CSMD3: variants seen among roughly 807,000 people sequenced by gnomAD.
CSMD3 encodes CUB and sushi domain-containing protein 3.
CSMD3 carries 177 observed loss-of-function variants against 435.2 expected under a neutral mutation model. The ratio of observed to expected loss-of-function variants is 0.41; its 90% confidence interval spans 0.36 to 0.46. The LOEUF (loss-of-function observed/expected upper bound fraction) is 0.46, where lower values mean the gene tolerates loss of function less well. Among genes scored for constraint, CSMD3 ranks in the 20% least tolerant of loss-of-function variants. The probability of loss-of-function intolerance (pLI) is 0.34; values close to 1 mark genes in which losing one functional copy is unlikely to be tolerated. For synonymous variants in CSMD3, 1,656 were observed against 1,520.5 expected, an observed-to-expected ratio of 1.09 and a Z score of -2.07; for missense variants, 4,265 against 4,504.6, an observed-to-expected ratio of 0.95 and a Z score of 1.52.
chr8:112,679,946 C>G (rs1417759952), intron 16 of CSMD3, among the ~76,000 whole-genome samples: 3 of 152,218 alleles, frequency 2.0e-5, no homozygotes. Context: ...CTGGACTTCT[C>G]TAGTCATTCA....
At chr8:112,473,906 C>T (rs191930796) in intron 31 of CSMD3, among the ~76,000 whole-genome samples, 4 of 151,842 alleles carry the variant, frequency 2.6e-5, no homozygotes, top group South Asian at 2.1e-4. Flanking sequence ...TTTTTTAGGG[C>T]GCCTTCTGAG....
intron 23 of CSMD3, among the ~76,000 whole-genome samples, chr8:112,576,835 C>CATATATATATATATATATATATATATAT (rs5894088): frequency 1.4e-5 from 1 of 71,572 alleles, no homozygotes; most frequent in African/African-American, 3.5e-5. Context: ...AGGCAGCATA[C>CATATATATATATATATATATATATATAT]ATATATATAT....
intron 38 of CSMD3, among the ~76,000 whole-genome samples, chr8:112,372,813 C>T (rs908462934): frequency 6.6e-6 from 1 of 151,314 alleles, no homozygotes; most frequent in Non-Finnish European, 1.5e-5. Context: ...AGTGCCATTG[C>T]ACTCCAGCCT....
intron 27 of CSMD3, among the ~76,000 whole-genome samples, chr8:112,525,933 T>G (rs1353406746): frequency 2.8e-5 from 4 of 145,242 alleles, no homozygotes; most frequent in Non-Finnish European, 6.0e-5. Flanking sequence ...TATAAATATA[T>G]ATATAAAGAC....
intron 4 of CSMD3, among the ~76,000 whole-genome samples, chr8:113,152,774 T>C (rs558266344): frequency 9.8e-4 from 149 of 151,536 alleles, no homozygotes; most frequent in Admixed American, 1.6e-3. Context: ...AGGCCAGGAG[T>C]TTGAAACTAG....
At chr8:112,696,680 C>G (rs937675686) in intron 13 of CSMD3, among the ~76,000 whole-genome samples, 4 of 152,092 alleles carry the variant, frequency 2.6e-5, no homozygotes, top group African/African-American at 4.8e-5. Context: ...GACTTCATGT[C>G]CAAAACACCA....
intron 4 of CSMD3, among the ~76,000 whole-genome samples, chr8:113,155,569 AG>A (rs1216764543): frequency 6.6e-6 from 1 of 152,106 alleles, no homozygotes; most frequent in East Asian, 1.9e-4. Flanking sequence ...CAAGTATTCA[AG>A]GTAAAGATCA....
intron 2 of CSMD3, among the ~76,000 whole-genome samples, chr8:113,294,105 T>C (rs2093703585): frequency 6.6e-6 from 1 of 152,084 alleles, no homozygotes. Flanking sequence ...TACCATGTAT[T>C]ACATTAAGAA....
At chr8:113,037,100 T>C (rs757617353) in intron 5 of CSMD3, among the ~76,000 whole-genome samples, 2 of 152,128 alleles carry the variant, frequency 1.3e-5, no homozygotes, top group African/African-American at 4.8e-5. Context: ...GTGAAACAGA[T>C]GTATATTGCA....
intron 11 of CSMD3, among the ~76,000 whole-genome samples, chr8:112,852,182 G>T (rs180938435): frequency 4.7e-4 from 71 of 152,104 alleles, no homozygotes; most frequent in African/African-American, 1.6e-3. Context: ...TGGACACATG[G>T]GTAGAAAACA....
chr8:112,662,502 C>A (rs1586916706), intron 17 of CSMD3, among the ~76,000 whole-genome samples: 1 of 151,996 alleles, frequency 6.6e-6, no homozygotes, highest in South Asian at 2.1e-4. Context: ...CCCTTCCTTA[C>A]ACCTTATACA....
At chr8:113,312,077 T>C (rs1048453822) in intron 2 of CSMD3, 18 of 152,104 alleles carry the variant, frequency 1.2e-4, no homozygotes, top group African/African-American at 4.3e-4. Flanking sequence ...TAGATTTTTA[T>C]TTATATATCA....
At chr8:112,864,145 C>T (rs868863130) in intron 10 of CSMD3, among the ~76,000 whole-genome samples, 4 of 152,130 alleles carry the variant, frequency 2.6e-5, no homozygotes, top group African/African-American at 9.7e-5. Context: ...TTATCTAACA[C>T]AATATGCTGT....
chr8:112,493,513 C>G (rs1310953666), intron 30 of CSMD3, among the ~76,000 whole-genome samples: 1 of 152,096 alleles, frequency 6.6e-6, no homozygotes, highest in African/African-American at 2.4e-5. Context: ...TCCAGTCATT[C>G]TCCACATTTT....
chr8:112,575,498 A>G (rs1829867662), intron 23 of CSMD3, among the ~76,000 whole-genome samples: 1 of 152,084 alleles, frequency 6.6e-6, no homozygotes, highest in African/African-American at 2.4e-5. Context: ...AAAAATGTAC[A>G]TTCACTCTTG....
intron 7 of CSMD3, among the ~76,000 whole-genome samples, chr8:112,955,243 A>C (rs1170241003): frequency 6.6e-6 from 1 of 151,716 alleles, no homozygotes; most frequent in East Asian, 1.9e-4. Context: ...AGAAAAGTTT[A>C]AAATTTATTT....
chr8:113,302,262 TATA>T (rs2093776358), intron 2 of CSMD3, among the ~76,000 whole-genome samples: 1 of 124,168 alleles, frequency 8.1e-6, no homozygotes, highest in Admixed American at 1.0e-4. Context: ...TTATATAAAA[TATA>T]TATAATATAT....
In CSMD3 at chr8:113,436,917, G is replaced by C; in HGVS notation, c.-63C>G. ...GCGCAGTGGAGTTGTTGCTGTTGTT[G>C]GTGCGCGGTCACAGCTCGGAGTGAA... On this transcript the variant is annotated 5_prime_UTR_variant, in exon 1 of 71. Coordinates refer to ENST00000297405, the MANE Select transcript of CSMD3 (RefSeq NM_198123.2). 1.3e-6 allele frequency: 2 copies of C among 1,586,762 alleles called. No individual in the cohort carries two copies. Among genetic ancestry groups the C allele is most frequent in the Non-Finnish European group, 1.7e-6 (2 of 1,157,694 alleles).
chr8:112,607,444 A>G (rs1336956223), intron 22 of CSMD3, among the ~76,000 whole-genome samples: 1 of 152,154 alleles, frequency 6.6e-6, no homozygotes, highest in Non-Finnish European at 1.5e-5. Flanking sequence ...AGACTCTTCC[A>G]AAGAACTGAA....
Sources: gnomAD v4.1 joint callset for allele counts (sites outside exome capture counted in the v4.1 genomes callset) on GRCh38, gnomAD v4.1.1 for gene constraint, MANE v1.5 for transcripts, NCBI Gene and HGNC (gene_info 2026-07-23, HGNC 2026-07-21) for gene names.